The following NDEL1 variants were observed in gnomAD, a reference collection of about 807,000 sequenced individuals.
NDEL1 encodes the protein nudE neurodevelopment protein 1 like 1, also known as nuclear distribution protein nudE-like 1.
Under a neutral mutation model 45.7 loss-of-function variants are expected in NDEL1, and 9 were observed. The ratio of observed to expected loss-of-function variants is 0.20; its 90% confidence interval spans 0.12 to 0.34. NDEL1 has a LOEUF of 0.34. Among genes scored for constraint, NDEL1 ranks in the 10% least tolerant of loss-of-function variants. The pLI, the probability that NDEL1 is intolerant of heterozygous loss-of-function variation, is 1.00. For synonymous variants in NDEL1, 133 were observed against 158.6 expected (o/e 0.84, Z 1.21); for missense variants, 306 against 406.2 (o/e 0.75, Z 2.12).
At chr17:8,463,147 A>G in intron 8 of NDEL1, 1 of 530,628 alleles carries the variant, frequency 1.9e-6, no homozygotes, top group South Asian at 2.7e-5. Flanking sequence ...TCTCAAAAAC[A>G]CTCTTTTTTT....
chr17:8,444,587 G>A (rs1909959799), intron 2 of NDEL1: 1 of 401,432 alleles, frequency 2.5e-6, no homozygotes, highest in Non-Finnish European at 4.5e-6. Context: ...TGTCATTTAT[G>A]ATTTCTTCTG....
chr17:8,445,255 AG>A (rs775036086), intron 2 of NDEL1, among the ~76,000 whole-genome samples: 38 of 152,260 alleles, frequency 2.5e-4, no homozygotes, highest in Non-Finnish European at 4.3e-4. Context: ...AAATAAAAAA[AG>A]ATACAGAAGT....
intron 6 of NDEL1, among the ~76,000 whole-genome samples, chr17:8,454,007 TCCATTTGG>T (rs1270184002): frequency 6.6e-6 from 1 of 152,180 alleles, no homozygotes; most frequent in Non-Finnish European, 1.5e-5. Context: ...CAATTGGCTC[TCCATTTGG>T]AGGAAAAAAT....
At position 8,467,115 on chromosome 17, in the gene NDEL1, C is replaced by T; in HGVS notation, c.*92C>T. 1 of 1,303,078 alleles carries T rather than the reference C, an allele frequency of 7.7e-7. No homozygotes were observed. The allele number at this position is 1,303,078 out of a possible 1,614,324, so 80.7% of individuals were successfully genotyped here. Reference sequence around the variant, plus strand: ...TCGGTGCCTGGGCCCAGCCCCGTGCCCCTCCGTCTGCCTCCGCACGGCTGG... The same window carrying T: ...TCGGTGCCTGGGCCCAGCCCCGTGCTCCTCCGTCTGCCTCCGCACGGCTGG... On this transcript the variant is annotated 3_prime_UTR_variant, in exon 9 of 9. Transcript: ENST00000334527. The surrounding 1 kb of genome is among the most constrained non-coding windows in gnomAD (Gnocchi z 6.3).
At chr17:8,427,824 G>A (rs576509188) in intron 1 of NDEL1, among the ~76,000 whole-genome samples, 1 of 152,282 alleles carries the variant, frequency 6.6e-6, no homozygotes, top group Non-Finnish European at 1.5e-5. Context: ...CCATTTATAC[G>A]ACCAATATTT....
intron 6 of NDEL1, among the ~76,000 whole-genome samples, 182 bp from the exon 7 acceptor site, chr17:8,454,614 T>G (rs957047581): frequency 6.6e-6 from 1 of 152,218 alleles, no homozygotes; most frequent in African/African-American, 2.4e-5. Context: ...AAATTTGATA[T>G]AATGTAAATA....
At position 8,463,214 on chromosome 17, in the gene NDEL1, C is replaced by CT. The variant is rs780781331; in HGVS notation, c.944+3055dup. The CT allele has an allele frequency of 2.6e-4, 205 of 779,676 alleles. No individual in the cohort carries two copies. In the East Asian group the frequency reaches 5.0e-3, roughly 19 times the overall value. 48.3% of individuals were successfully genotyped at this position (779,676 alleles called of 1,614,324 possible). On this transcript the variant is annotated intron_variant, in intron 8 of 8. Transcript: ENST00000334527. Reference sequence around the variant, plus strand: ...ATGTGCTCTATTTTTGTAAGCCACTCTGAGTTCTTTTGGGCTGTGTGTAGG... The same window carrying CT: ...ATGTGCTCTATTTTTGTAAGCCACTCTTGAGTTCTTTTGGGCTGTGTGTAGG...
chr17:8,437,772 T>C (rs188557022), intron 1 of NDEL1, among the ~76,000 whole-genome samples: 1 of 152,326 alleles, frequency 6.6e-6, no homozygotes, highest in Admixed American at 6.5e-5. Context: ...GTACAAAGAA[T>C]AATTTCCTTG....
chr17:8,415,583 G>A (rs930212361), intron 1 of NDEL1, among the ~76,000 whole-genome samples: 22 of 151,252 alleles, frequency 1.5e-4, no homozygotes, highest in Admixed American at 1.3e-3. Flanking sequence ...CTACAGGCAC[G>A]TGCTGCCATA....
chr17:8,432,914 C>T (rs570493052), upstream of NDEL1, among the ~76,000 whole-genome samples: 44 of 152,050 alleles, frequency 2.9e-4, no homozygotes, highest in African/African-American at 8.9e-4. Flanking sequence ...GTAATAAGTA[C>T]GTTATTATTC....
At chr17:8,434,810 G>A (rs1909159315), upstream of NDEL1, among the ~76,000 whole-genome samples, 1 of 151,856 alleles carries the variant, frequency 6.6e-6, no homozygotes, top group South Asian at 2.1e-4. Flanking sequence ...TGTGTCTCAC[G>A]CCTGTAATCC....
chr17:8,460,743 C>G (rs1290829926), intron 8 of NDEL1, among the ~76,000 whole-genome samples: 2 of 152,162 alleles, frequency 1.3e-5, no homozygotes, highest in Admixed American at 1.3e-4. Flanking sequence ...TGGTTTCCTG[C>G]CTTCACACTG....
intron 4 of NDEL1, among the ~76,000 whole-genome samples, chr17:8,447,909 T>C (rs1223902692): frequency 1.6e-5 from 2 of 127,578 alleles, no homozygotes; most frequent in Non-Finnish European, 3.1e-5. Flanking sequence ...AATACCCTAG[T>C]AAAAAAAAGT....
At position 8,468,136 on chromosome 17, in the gene NDEL1, A is replaced by G. The variant is rs1911730247; in HGVS notation, c.*1113A>G. On this transcript the variant is annotated 3_prime_UTR_variant, in exon 9 of 9. Transcript: ENST00000334527. The stretch of plus-strand genomic sequence containing the variant: ...CCTCAAAAAAATTCTTTTAATGTGG[A>G]AACAATAAATTTCACAGAAAAAAAG... 6.6e-6 allele frequency: 1 copy of G among 152,500 alleles called. No homozygotes were observed. The highest frequency in any genetic ancestry group is 1.5e-5 in the Non-Finnish European group (1 of 68,046). The allele number at this position is 152,500 out of a possible 1,614,324, so 9.4% of individuals were successfully genotyped here. A position where few individuals can be genotyped will look rare whatever the true frequency, so the allele number is the denominator to read the frequency against.
At chr17:8,462,142 T>C (rs1911250238) in intron 8 of NDEL1, among the ~76,000 whole-genome samples, 2 of 151,254 alleles carry the variant, frequency 1.3e-5, no homozygotes, top group Admixed American at 6.6e-5. Flanking sequence ...GAGATGTAAG[T>C]GTAGGCTTTA....
chr17:8,418,391 T>G (rs1346507497), intron 1 of NDEL1, among the ~76,000 whole-genome samples: 2 of 152,212 alleles, frequency 1.3e-5, no homozygotes, highest in Non-Finnish European at 2.9e-5. Context: ...GTATTACCAT[T>G]TGTCTTAAAT....
intron 3 of NDEL1, among the ~76,000 whole-genome samples, chr17:8,473,820 C>T (rs1912023340): frequency 1.3e-5 from 2 of 152,242 alleles, no homozygotes; most frequent in South Asian, 4.1e-4. Context: ...CCCTTGGCCT[C>T]ATCACTGAAT....
At chr17:8,436,292 G>A (rs557010883) in intron 1 of NDEL1, 2,566 of 182,188 alleles carry the variant, frequency 0.014, 25 homozygotes, top group Non-Finnish European at 0.022. Flanking sequence ...GTGGCCTCCG[G>A]AAGATGTGCC....
intron 5 of NDEL1, among the ~76,000 whole-genome samples, chr17:8,449,400 A>C (rs1252949159): frequency 1.3e-5 from 2 of 152,170 alleles, no homozygotes; most frequent in Non-Finnish European, 2.9e-5. Context: ...AAATGTTGGG[A>C]TTATGGGTGT....
Sources: allele counts gnomAD v4.1 joint callset (sites outside exome capture counted in the v4.1 genomes callset), GRCh38; gene constraint gnomAD v4.1.1; non-coding constraint Gnocchi (gnomAD v3.1); transcripts MANE v1.5; gene names NCBI Gene and HGNC (gene_info 2026-07-23, HGNC 2026-07-21).